ABTB3: variants seen among roughly 807,000 people sequenced by gnomAD.
ABTB3 encodes the protein ankyrin repeat- and BTB/POZ domain-containing protein 3.
the ABTB3 span, chr12:107,580,978 A>C: frequency 6.4e-7 from 1 of 1,551,756 alleles, no homozygotes; most frequent in African/African-American, 1.4e-5. Context: ...GATGTCTCCA[A>C]AGGCTCTCCC....
chr12:107,437,819 C>A, the ABTB3 span, among the ~76,000 whole-genome samples: 1 of 152,146 alleles, frequency 6.6e-6, no homozygotes, highest in African/African-American at 2.4e-5. Flanking sequence ...AAGACCCTCT[C>A]CCAGAATAAG....
At chr12:107,443,954 T>C in the ABTB3 span, among the ~76,000 whole-genome samples, 2 of 152,088 alleles carry the variant, frequency 1.3e-5, no homozygotes, top group Non-Finnish European at 2.9e-5. Context: ...ACAGACAGGG[T>C]CACCTAGATG....
the ABTB3 span, chr12:107,609,917 G>T: frequency 2.4e-6 from 1 of 415,668 alleles, no homozygotes. Context: ...TAGCAAGAGT[G>T]CCTAGTCCAT....
At chr12:107,498,093 C>T in the ABTB3 span, among the ~76,000 whole-genome samples, 27 of 152,288 alleles carry the variant, frequency 1.8e-4, no homozygotes, top group Non-Finnish European at 2.2e-4. Context: ...GAGGAAGGAA[C>T]GCCAACAGCA....
chr12:107,468,185 T>C, the ABTB3 span, among the ~76,000 whole-genome samples: 1 of 151,796 alleles, frequency 6.6e-6, no homozygotes, highest in Admixed American at 6.6e-5. Flanking sequence ...AGGGAATTGG[T>C]GTTGTATTAA....
chr12:107,651,620 A>T, the ABTB3 span: 1 of 1,281,008 alleles, frequency 7.8e-7, no homozygotes, highest in Non-Finnish European at 1.1e-6. Context: ...CCTTATTGTT[A>T]CCTCCTTTCC....
At chr12:107,384,850 G>A in the ABTB3 span, among the ~76,000 whole-genome samples, 1 of 152,190 alleles carries the variant, frequency 6.6e-6, no homozygotes, top group African/African-American at 2.4e-5. Flanking sequence ...AGCCTCCACT[G>A]CAGGAGGCAT....
the ABTB3 span, among the ~76,000 whole-genome samples, chr12:107,550,434 T>C: frequency 1.3e-5 from 2 of 151,242 alleles, no homozygotes; most frequent in African/African-American, 4.9e-5. Flanking sequence ...GGTAGAATTA[T>C]GGACTCGTAA....
At chr12:107,500,081 C>T in the ABTB3 span, among the ~76,000 whole-genome samples, 2 of 152,198 alleles carry the variant, frequency 1.3e-5, no homozygotes, top group Non-Finnish European at 2.9e-5. Context: ...CACCTCCCAC[C>T]AGGTCCCTCC....
the ABTB3 span, among the ~76,000 whole-genome samples, chr12:107,527,827 C>T: frequency 0.11 from 16,630 of 152,108 alleles, 1,309 homozygotes; most frequent in East Asian, 0.25. Context: ...GTTTCTTTCG[C>T]TTTTTCTCAA....
the ABTB3 span, among the ~76,000 whole-genome samples, chr12:107,566,879 A>C: frequency 6.6e-6 from 1 of 152,188 alleles, no homozygotes; most frequent in Non-Finnish European, 1.5e-5. Flanking sequence ...TTGTGGGGCC[A>C]AGATAGGAGG....
the ABTB3 span, among the ~76,000 whole-genome samples, chr12:107,438,739 G>A: frequency 6.6e-6 from 1 of 152,114 alleles, no homozygotes. Flanking sequence ...CCCAAAGTTT[G>A]CGCTGAAGAT....
the ABTB3 span, among the ~76,000 whole-genome samples, chr12:107,459,129 C>T: frequency 4.2e-4 from 64 of 152,272 alleles, 1 homozygote; most frequent in African/African-American, 1.4e-3. Flanking sequence ...TCAGTTGATC[C>T]CTGCCCCCCA....
At chr12:107,622,178 G>A in the ABTB3 span, among the ~76,000 whole-genome samples, 1 of 152,176 alleles carries the variant, frequency 6.6e-6, no homozygotes, top group African/African-American at 2.4e-5. Flanking sequence ...ATCCCCTACT[G>A]GTGAAATGTG....
chr12:107,610,258 A>T, the ABTB3 span: 2 of 1,614,104 alleles, frequency 1.2e-6, no homozygotes, highest in Non-Finnish European at 1.7e-6. Flanking sequence ...TTTAAGCAGG[A>T]CCTGGGTTTC....
the ABTB3 span, among the ~76,000 whole-genome samples, chr12:107,587,282 A>G: frequency 6.6e-6 from 1 of 152,262 alleles, no homozygotes; most frequent in African/African-American, 2.4e-5. Flanking sequence ...TCTATATTTT[A>G]GAAAGACGGG....
chr12:107,352,229 G>A, the ABTB3 span, among the ~76,000 whole-genome samples: 141 of 152,250 alleles, frequency 9.3e-4, 1 homozygote, highest in East Asian at 0.025. Flanking sequence ...CGAGGCTCTG[G>A]TGATGGGAGG....
chr12:107,586,355 G>A, the ABTB3 span, among the ~76,000 whole-genome samples: 1 of 152,112 alleles, frequency 6.6e-6, no homozygotes, highest in African/African-American at 2.4e-5. Context: ...GAGCACCTGG[G>A]CCCAGCGTGT....
the ABTB3 span, among the ~76,000 whole-genome samples, chr12:107,590,848 T>G: frequency 6.6e-6 from 1 of 152,168 alleles, no homozygotes; most frequent in Non-Finnish European, 1.5e-5. Context: ...GATTATATAT[T>G]GATTTATTTT....
Sources: gnomAD v4.1 joint callset for allele counts (sites outside exome capture counted in the v4.1 genomes callset) on GRCh38, gnomAD v4.1.1 for gene constraint, MANE v1.5 for transcripts, NCBI Gene and HGNC (gene_info 2026-07-23, HGNC 2026-07-21) for gene names.